The following ANO1 variants were observed in gnomAD, a reference collection of about 807,000 sequenced individuals.
ANO1 encodes anoctamin 1, also known as anoctamin-1.
Under a neutral mutation model 124.0 loss-of-function variants are expected in ANO1, and 59 were observed. The ratio of observed to expected loss-of-function variants is 0.48; its 90% CI spans 0.39 to 0.59. ANO1 has a LOEUF of 0.59. Among genes scored for constraint, ANO1 ranks in the 20% least tolerant of loss-of-function variants. ANO1 has a pLI of 0.00. For synonymous variants in ANO1, 529 were observed against 532.0 expected (o/e 0.99, Z 0.08); for missense variants, 1,059 against 1,328.0 (o/e 0.80, Z 3.15).
chr11:70,060,042 T>C (rs1857539031), intron 1 of ANO1, among the ~76,000 whole-genome samples: 1 of 147,456 alleles, frequency 6.8e-6, no homozygotes, highest in African/African-American at 2.5e-5. Context: ...TCCTTTATAA[T>C]GAATGACTCC....
At chr11:70,016,405 A>G (rs1555001965) in intron 1 of ANO1, 1 of 152,214 alleles carries the variant, frequency 6.6e-6, no homozygotes, top group Non-Finnish European at 1.5e-5. Flanking sequence ...AAAACCAGCA[A>G]TCGGATATGG....
chr11:70,064,462 G>C (rs1410907344), intron 1 of ANO1: 4 of 152,200 alleles, frequency 2.6e-5, no homozygotes, highest in Admixed American at 2.0e-4. Context: ...TTTCAGATGG[G>C]CGCCCTGGAC....
Position 70,105,803 on chromosome 11 carries a change from C to A in ANO1, c.747+15C>A, listed in dbSNP as rs777215792. ...GGAGCACGATTGTAAGTATCGCACGCGCCTGGAAACGGCTCACTGGCAAGA... is the reference window on the plus strand; with the variant it reads ...GGAGCACGATTGTAAGTATCGCACGAGCCTGGAAACGGCTCACTGGCAAGA... On this transcript the variant is annotated intron_variant, in intron 5 of 25. Transcript: ENST00000355303. The A allele has an allele frequency of 1.2e-6, 2 of 1,611,590 alleles. No individual in the cohort carries two copies. The highest frequency in any genetic ancestry group is 1.7e-5 in the Admixed American group (1 of 59,936).
chr11:70,018,366 A>C (rs1350718163), intron 1 of ANO1: 3 of 152,136 alleles, frequency 2.0e-5, no homozygotes, highest in African/African-American at 4.8e-5. Flanking sequence ...CTATGAAAAA[A>C]AAATAAAGAA....
intron 2 of ANO1, among the ~76,000 whole-genome samples, chr11:70,092,834 G>A (rs936358275): frequency 2.6e-5 from 4 of 152,178 alleles, no homozygotes; most frequent in African/African-American, 9.7e-5. Flanking sequence ...CCCAAAGAGA[G>A]ACCCAGGGGT....
the ANO1 span, among the ~76,000 whole-genome samples, chr11:69,976,277 G>C: frequency 1.3e-5 from 2 of 152,024 alleles, no homozygotes; most frequent in East Asian, 3.9e-4. Context: ...TGGGAGGCCA[G>C]GGCGGGCGGA....
chr11:70,055,404 A>G (rs190276247), intron 1 of ANO1, among the ~76,000 whole-genome samples: 13 of 152,164 alleles, frequency 8.5e-5, no homozygotes, highest in Admixed American at 5.9e-4. Flanking sequence ...TGTTGAATAG[A>G]TGTACCACTA....
chr11:70,142,525 C>G (rs996330845), intron 11 of ANO1, among the ~76,000 whole-genome samples: 1 of 152,154 alleles, frequency 6.6e-6, no homozygotes, highest in Non-Finnish European at 1.5e-5. Flanking sequence ...AGAGCCCTGC[C>G]CCCGCCCCGC....
At chr11:70,169,966 CCTT>C (rs1362931355) in intron 21 of ANO1, 1 of 334,606 alleles carries the variant, frequency 3.0e-6, no homozygotes, top group African/African-American at 2.2e-5. Context: ...CTTTTCCTGA[CCTT>C]CTCCTAGAGC....
chr11:70,127,451 C>T (rs184009589), intron 10 of ANO1, among the ~76,000 whole-genome samples: 9 of 152,314 alleles, frequency 5.9e-5, no homozygotes, highest in Admixed American at 5.2e-4. Flanking sequence ...GTATGTCAGA[C>T]GTCAGGGAGC....
At chr11:69,992,782 G>T (rs973678338) in intron 1 of ANO1, among the ~76,000 whole-genome samples, 19 of 152,190 alleles carry the variant, frequency 1.2e-4, no homozygotes, top group African/African-American at 4.6e-4. Flanking sequence ...GCCTGGCATT[G>T]TTCCCCTCGT....
At chr11:70,101,907 C>A (rs574751027) in intron 2 of ANO1, among the ~76,000 whole-genome samples, 1 of 152,184 alleles carries the variant, frequency 6.6e-6, no homozygotes, top group African/African-American at 2.4e-5. Flanking sequence ...AGGACCAAGG[C>A]CCCCACTGCC....
chr11:70,095,322 A>AAGG (rs2044846300), intron 2 of ANO1, among the ~76,000 whole-genome samples: 1 of 141,532 alleles, frequency 7.1e-6, no homozygotes, highest in African/African-American at 2.6e-5. Flanking sequence ...GAAAGAAAGG[A>AAGG]AAGAAAGAAA....
In ANO1 at chr11:70,188,825, T is replaced by A. The variant is rs1305178451; in HGVS notation, c.*821T>A. ...CTCGGAAGCATTTCCACAGATGGTG[T>A]CAGGGTTTCAAGAAGTCTTAGGGCT... On this transcript the variant is annotated 3_prime_UTR_variant, in exon 26 of 26. Transcript: ENST00000355303. 2.0e-5 allele frequency: 3 copies of A among 151,940 alleles called. No homozygotes were observed. Among genetic ancestry groups the A allele is most frequent in the African/African-American group, 7.3e-5 (3 of 41,222 alleles). 9.4% of individuals were successfully genotyped at this position (151,940 alleles called of 1,614,324 possible). A position where few individuals can be genotyped will look rare whatever the true frequency, so the allele number is the denominator to read the frequency against.
At chr11:70,080,478 G>A (rs2044168060) in intron 1 of ANO1, among the ~76,000 whole-genome samples, 1 of 152,242 alleles carries the variant, frequency 6.6e-6, no homozygotes, top group African/African-American at 2.4e-5. Context: ...GGGGATGGTA[G>A]TGGTGGCCAA....
At chr11:70,018,677 G>A (rs1555002284) in intron 1 of ANO1, among the ~76,000 whole-genome samples, 1 of 152,224 alleles carries the variant, frequency 6.6e-6, no homozygotes, top group Non-Finnish European at 1.5e-5. Context: ...AAGTTCTGAG[G>A]ACCAGGGCAT....
intron 15 of ANO1, 73 bp from the exon 16 acceptor site, chr11:70,156,874 C>A: frequency 7.1e-7 from 1 of 1,400,216 alleles, no homozygotes; most frequent in Non-Finnish European, 1.0e-6. Context: ...CACGCACATG[C>A]ACCCACGCTG....
At chr11:70,085,962 G>A (rs1255001661) in intron 1 of ANO1, among the ~76,000 whole-genome samples, 1 of 152,252 alleles carries the variant, frequency 6.6e-6, no homozygotes, top group Non-Finnish European at 1.5e-5. Flanking sequence ...CCACGTGGGG[G>A]GACCCTCCAG....
intron 1 of ANO1, chr11:70,064,809 A>C (rs1431706789): frequency 1.2e-4 from 18 of 152,048 alleles, no homozygotes; most frequent in African/African-American, 4.4e-4. Context: ...TCCTTGGGCT[A>C]TTTGCTCTGT....
Sources: allele counts gnomAD v4.1 joint callset (sites outside exome capture counted in the v4.1 genomes callset), GRCh38; gene constraint gnomAD v4.1.1; transcripts MANE v1.5; gene names NCBI Gene and HGNC (gene_info 2026-07-23, HGNC 2026-07-21).